The following DPP10 variants were observed in gnomAD, a reference collection of about 807,000 sequenced individuals.
DPP10 encodes the protein inactive dipeptidyl peptidase 10.
A neutral mutation model predicts 120.9 loss-of-function variants in DPP10; 33 were observed. The observed-to-expected ratio is 0.27, with a 90% CI of 0.21 to 0.37. The LOEUF is 0.37. DPP10 is among the 10% of genes least tolerant of loss of function. DPP10 has a pLI of 1.00. For synonymous variants in DPP10, 337 were observed against 326.1 expected, an observed-to-expected ratio of 1.03 and a Z score of -0.36; for missense variants, 816 against 942.8, an observed-to-expected ratio of 0.87 and a Z score of 1.76.
chr2:114,591,608 G>A (rs1171571784), intron 1 of DPP10, among the ~76,000 whole-genome samples: 1 of 145,316 alleles, frequency 6.9e-6, no homozygotes, highest in African/African-American at 2.6e-5. Flanking sequence ...AGGCTGGAGA[G>A]CAGTGGTGCA....
chr2:115,804,404 A>G (rs1685656606), intron 19 of DPP10, among the ~76,000 whole-genome samples: 1 of 151,964 alleles, frequency 6.6e-6, no homozygotes, highest in Non-Finnish European at 1.5e-5. Context: ...GAGTAGTTTG[A>G]TCTTCTGAAC....
chr2:114,997,796 C>A (rs1701192546), intron 1 of DPP10, among the ~76,000 whole-genome samples: 2 of 152,082 alleles, frequency 1.3e-5, no homozygotes. Flanking sequence ...TTATGCAAAA[C>A]CCTTAGGACC....
intron 1 of DPP10, among the ~76,000 whole-genome samples, chr2:114,809,964 G>C (rs1232207288): frequency 6.6e-6 from 1 of 152,060 alleles, no homozygotes. Context: ...AACTCCAATT[G>C]TATATCCAGC....
intron 3 of DPP10, among the ~76,000 whole-genome samples, chr2:115,489,013 G>T (rs566987680): frequency 1.3e-5 from 2 of 151,968 alleles, no homozygotes; most frequent in South Asian, 2.1e-4. Flanking sequence ...TAGTTACATT[G>T]CAATGATCGG....
chr2:114,789,995 T>C (rs931264585), intron 1 of DPP10, among the ~76,000 whole-genome samples: 1 of 152,264 alleles, frequency 6.6e-6, no homozygotes, highest in African/African-American at 2.4e-5. Context: ...GCTAGTGTTA[T>C]GGCTGTTATT....
At chr2:114,987,059 C>T (rs1374916325) in intron 1 of DPP10, among the ~76,000 whole-genome samples, 5 of 152,110 alleles carry the variant, frequency 3.3e-5, no homozygotes, top group African/African-American at 4.8e-5. Context: ...GGATTACAGG[C>T]GTGAACCACT....
At chr2:114,462,714 G>T (rs372449881) in intron 1 of DPP10, among the ~76,000 whole-genome samples, 1 of 152,090 alleles carries the variant, frequency 6.6e-6, no homozygotes, top group South Asian at 2.1e-4. Flanking sequence ...CCCCTGCTTC[G>T]CACACCATAC....
chr2:115,050,987 A>G (rs1483494565), intron 1 of DPP10, among the ~76,000 whole-genome samples: 1 of 152,206 alleles, frequency 6.6e-6, no homozygotes, highest in Admixed American at 6.5e-5. Flanking sequence ...AACAATCACC[A>G]TAACAAACAG....
At chr2:115,290,672 C>A (rs533607786) in intron 1 of DPP10, among the ~76,000 whole-genome samples, 1 of 152,066 alleles carries the variant, frequency 6.6e-6, no homozygotes, top group Non-Finnish European at 1.5e-5. Context: ...ATTGCTGACA[C>A]GGGATTTGTT....
intron 3 of DPP10, among the ~76,000 whole-genome samples, chr2:115,380,502 A>G (rs774161514): frequency 4.6e-5 from 7 of 152,206 alleles, no homozygotes; most frequent in East Asian, 1.9e-4. Flanking sequence ...TTGACTCTTT[A>G]TCCAGTTTGC....
chr2:114,811,678 C>T (rs1574245255), intron 1 of DPP10, among the ~76,000 whole-genome samples: 1 of 152,114 alleles, frequency 6.6e-6, no homozygotes, highest in African/African-American at 2.4e-5. Context: ...ACCATCACCC[C>T]TTACTCCACC....
At chr2:114,469,951 AAAACAAACCAGGGT>A (rs1256219833) in intron 1 of DPP10, among the ~76,000 whole-genome samples, 1 of 152,192 alleles carries the variant, frequency 6.6e-6, no homozygotes, top group Non-Finnish European at 1.5e-5. Flanking sequence ...ATACAGGACA[AAAACAAACCAGGGT>A]AAAGAAACCA....
intron 1 of DPP10, among the ~76,000 whole-genome samples, chr2:114,444,076 A>G (rs1249613205): frequency 6.6e-6 from 1 of 152,164 alleles, no homozygotes; most frequent in Non-Finnish European, 1.5e-5. Flanking sequence ...ATACATAAAC[A>G]TAGGGAGTTA....
intron 1 of DPP10, among the ~76,000 whole-genome samples, chr2:114,690,703 TC>T (rs1699681658): frequency 6.6e-6 from 1 of 152,140 alleles, no homozygotes; most frequent in Admixed American, 6.5e-5. Flanking sequence ...TATTGATTCT[TC>T]CTATCTACGA....
At chr2:115,381,907 C>G (rs530639104) in intron 3 of DPP10, among the ~76,000 whole-genome samples, 3 of 152,136 alleles carry the variant, frequency 2.0e-5, no homozygotes, top group Admixed American at 6.5e-5. Context: ...GCAGTCTGCC[C>G]GTTCTCAGAT....
At chr2:115,834,051 A>C (rs1439557428) in intron 21 of DPP10, among the ~76,000 whole-genome samples, 2 of 152,180 alleles carry the variant, frequency 1.3e-5, no homozygotes, top group African/African-American at 2.4e-5. Flanking sequence ...AGGCACTTTG[A>C]AGTAGCTTAT....
At chr2:114,804,369 C>CTGG (rs71297179) in intron 1 of DPP10, among the ~76,000 whole-genome samples, 9,254 of 152,188 alleles carry the variant, frequency 0.061, 318 homozygotes, top group South Asian at 0.1. Flanking sequence ...GGGTCACTGC[C>CTGG]TGGTGGAGCT....
intron 1 of DPP10, among the ~76,000 whole-genome samples, chr2:114,968,430 G>C (rs1332301833): frequency 6.6e-6 from 1 of 152,118 alleles, no homozygotes; most frequent in Non-Finnish European, 1.5e-5. Context: ...CCACTAAACA[G>C]AAAGCTCCTT....
chr2:115,648,368 G>T (rs1368500372), intron 5 of DPP10, among the ~76,000 whole-genome samples: 1 of 151,982 alleles, frequency 6.6e-6, no homozygotes. Flanking sequence ...GGTGACGATA[G>T]TTCATATCAA....
Sources: allele counts gnomAD v4.1 joint callset (sites outside exome capture counted in the v4.1 genomes callset), GRCh38; gene constraint gnomAD v4.1.1; transcripts MANE v1.5; gene names NCBI Gene and HGNC (gene_info 2026-07-23, HGNC 2026-07-21).